ATXN7L2: variants seen among roughly 807,000 people sequenced by gnomAD.
ATXN7L2 encodes ataxin-7-like protein 2.
Under a neutral mutation model 59.6 loss-of-function variants are expected in ATXN7L2, and 17 were observed. The observed-to-expected ratio is 0.29, with a 90% CI of 0.20 to 0.43. ATXN7L2 has a LOEUF of 0.43. Ranked by LOEUF, ATXN7L2 falls within the 20% of genes least tolerant of loss-of-function variation. The pLI is 1.00. For synonymous variants in ATXN7L2, 378 were observed against 392.5 expected (o/e 0.96, Z 0.44); for missense variants, 858 against 1,008.9 (o/e 0.85, Z 2.03).
In ATXN7L2 at chr1:109,491,774, T is replaced by TA. The variant is rs1557875114; in HGVS notation, c.2250+58dup. 4 of 1,476,110 alleles carry TA rather than the reference T, an allele frequency of 2.7e-6. No homozygotes were observed. 91.4% of individuals were successfully genotyped at this position (1,476,110 alleles called of 1,614,324 possible). A position where few individuals can be genotyped will look rare whatever the true frequency, so the allele number is the denominator to read the frequency against. On this transcript the variant is annotated intron_variant, in intron 10 of 10. Coordinates refer to ENST00000683729, the MANE Select transcript of ATXN7L2 (RefSeq NM_001350175.2). The surrounding 1 kb of genome is among the most constrained non-coding windows in gnomAD (Gnocchi z 4.1). ...GGTGGGGCACACAGGGGGTACCTGA[T>TA]ACAGAGAAGATGCTACATTGGTGTT...
chr1:109,484,007 G>T lies in ATXN7L2; in HGVS notation c.54G>T (p.Val18=), dbSNP rs747751536. ...CAATGGCCGCTCTGGAGCGGCGGGT[G>T]CCGAGTCTCGATGACTTCGCGGGAC... ...AAAMAALERR[V]PSLDDFAGQS... The change falls in exon 1 of 11, where the codon GTG becomes GTT. Residue 18 remains valine, a synonymous_variant. Coordinates refer to ENST00000683729, the MANE Select transcript of ATXN7L2 (RefSeq NM_001350175.2). 2.2e-6 allele frequency: 3 copies of T among 1,393,442 alleles called. No homozygotes were observed. The highest frequency in any genetic ancestry group is 1.9e-4 in the Middle Eastern group (1 of 5,364). The allele number at this position is 1,393,442 out of a possible 1,614,324, so 86.3% of individuals were successfully genotyped here. A position where few individuals can be genotyped will look rare whatever the true frequency, so the allele number is the denominator to read the frequency against.
chr1:109,491,865 A>AG lies in ATXN7L2; in HGVS notation c.2250+150dup, dbSNP rs1320653736. On this transcript the variant is annotated intron_variant, in intron 10 of 10. Coordinates refer to ENST00000683729, the MANE Select transcript of ATXN7L2 (RefSeq NM_001350175.2). This position sits in a 1 kb window ranked among gnomAD's most constrained non-coding sequence, Gnocchi z 4.1. ...TGGACTGTTTTCTTTAGGAAGAGGT[A>AG]GGTCAGTTCTTAGCAAAGTGACTCC... The AG allele has an allele frequency of 4.9e-6, 6 of 1,221,590 alleles. No homozygotes were observed. The African/African-American group carries it at 9.1e-5, about 19-fold the overall frequency. The allele number at this position is 1,221,590 out of a possible 1,614,324, so 75.7% of individuals were successfully genotyped here. A position where few individuals can be genotyped will look rare whatever the true frequency, so the allele number is the denominator to read the frequency against.
Position 109,491,409 on chromosome 1 carries a change from A to G in ATXN7L2, c.1942A>G (p.Thr648Ala). The G allele has an allele frequency of 6.2e-7, 1 of 1,614,214 alleles. No homozygotes were observed. ...KTALSMGLNGTMGPRVKRAGP... is the reference protein window; with the variant it reads ...KTALSMGLNGAMGPRVKRAGP... The stretch of plus-strand genomic sequence containing the variant: ...AGCCCTGAGCATGGGGCTTAATGGG[A>G]CAATGGGGCCAAGAGTGAAGCGGGC... The change falls in exon 10 of 11, where the codon ACA becomes GCA. Residue 648 changes from threonine (T) to alanine (A), a missense_variant. Thr to Ala is a moderately conservative substitution (Grantham distance 58). Transcript: ENST00000683729. The surrounding 1 kb of genome is among the most constrained non-coding windows in gnomAD (Gnocchi z 4.1).
chr1:109,486,387 G>T lies in ATXN7L2; in HGVS notation c.194-119G>T. ...GGAAGCTGGAAGCATTCAGCATGGA[G>T]CTTGTTATATCAGCGGGGAGGTGAA... On this transcript the variant is annotated intron_variant, in intron 2 of 10. Transcript: ENST00000683729. The surrounding 1 kb of genome is among the most constrained non-coding windows in gnomAD (Gnocchi z 4.3). 1 of 981,862 alleles carries T rather than the reference G, an allele frequency of 1.0e-6. No individual in the cohort carries two copies. Among genetic ancestry groups the T allele is most frequent in the Non-Finnish European group, 1.5e-6 (1 of 660,982 alleles). The allele number at this position is 981,862 out of a possible 1,614,324, so 60.8% of individuals were successfully genotyped here.
chr1:109,486,242 A>G lies in ATXN7L2; in HGVS notation c.193+120A>G. On this transcript the variant is annotated intron_variant, in intron 2 of 10. Transcript: ENST00000683729. This position sits in a 1 kb window ranked among gnomAD's most constrained non-coding sequence, Gnocchi z 4.3. ...CAGCTGTCTGGGGACCCTCATTTTG[A>G]TAGGTCCGAGTCGGCCGGTTGTTCT... 7.0e-7 allele frequency: 1 copy of G among 1,426,908 alleles called. No homozygotes were observed. The allele number at this position is 1,426,908 out of a possible 1,614,324, so 88.4% of individuals were successfully genotyped here.
chr1:109,487,540 C>A lies in ATXN7L2; in HGVS notation c.532C>A (p.Leu178Met). ...NLCLFVPVVNLEKMSSLPKPD... is the reference protein window; with the variant it reads ...NLCLFVPVVNMEKMSSLPKPD... ...TAGCCTTTTCGTGCCTGTGGTGAATCTGGAGAAGATGTCCAGTCTCCCGAA... is the reference window on the plus strand; with the variant it reads ...TAGCCTTTTCGTGCCTGTGGTGAATATGGAGAAGATGTCCAGTCTCCCGAA... The change falls in exon 5 of 11, where the codon CTG (leucine) becomes ATG (methionine). Residue 178 changes from leucine (L) to methionine (M), a missense_variant. This residue lies in a region of ATXN7L2 where 734 missense variants were observed against 862.3 expected (regional missense o/e 0.85). Transcript: ENST00000683729. 6.6e-7 allele frequency: 1 copy of A among 1,506,822 alleles called. No homozygotes were observed. The highest frequency in any genetic ancestry group is 8.9e-7 in the Non-Finnish European group (1 of 1,129,750). 93.3% of individuals were successfully genotyped at this position (1,506,822 alleles called of 1,614,324 possible).
Position 109,491,360 on chromosome 1 carries a change from G to C in ATXN7L2, c.1893G>C (p.Arg631Ser), listed in dbSNP as rs777807723. ...GAAAAGGGAAACCCTCTGGCTGTAG[G>C]GGCCTCTCGGCCAAAACTAAAACAG... ...PTGKGKPSGC[R>S]GLSAKTKTAL... The change falls in exon 10 of 11, where the codon AGG becomes AGC. Residue 631 changes from arginine to serine, a missense_variant. By Grantham distance (110) the Arg-to-Ser change is moderately radical. Transcript: ENST00000683729. This position sits in a 1 kb window ranked among gnomAD's most constrained non-coding sequence, Gnocchi z 4.1. The C allele has an allele frequency of 2.5e-6, 4 of 1,614,132 alleles. No homozygotes were observed. The highest frequency in any genetic ancestry group is 1.7e-5 in the Admixed American group (1 of 60,012).
chr1:109,490,484 A>G (rs1230387502), intron 9 of ATXN7L2, 92 bp downstream of exon 9: 1 of 1,521,936 alleles, frequency 6.6e-7, no homozygotes, highest in African/African-American at 1.4e-5. Flanking sequence ...TCTTTCCTGT[A>G]TACCCATAGG....
At position 109,486,922 on chromosome 1, in the gene ATXN7L2, A is replaced by G; in HGVS notation, c.299-85A>G. On this transcript the variant is annotated intron_variant, in intron 3 of 10. Coordinates refer to ENST00000683729, the MANE Select transcript of ATXN7L2 (RefSeq NM_001350175.2). This position sits in a 1 kb window ranked among gnomAD's most constrained non-coding sequence, Gnocchi z 4.3. Reference sequence around the variant, plus strand: ...AATTTATGGAAACTCAGATTCTCTCATGTGAGTCTATGGACATGGTTAGGT... The same window carrying G: ...AATTTATGGAAACTCAGATTCTCTCGTGTGAGTCTATGGACATGGTTAGGT... The G allele has an allele frequency of 8.3e-7, 1 of 1,211,374 alleles. No homozygotes were observed. Among genetic ancestry groups the G allele is most frequent in the Non-Finnish European group, 1.1e-6 (1 of 877,928 alleles). The allele number at this position is 1,211,374 out of a possible 1,614,324, so 75.0% of individuals were successfully genotyped here. A position where few individuals can be genotyped will look rare whatever the true frequency, so the allele number is the denominator to read the frequency against.
chr1:109,485,215 T>G, intron 1 of ATXN7L2: 1 of 815,062 alleles, frequency 1.2e-6, no homozygotes. Context: ...TCAGAATTGA[T>G]TTTTTTTTTC....
chr1:109,485,147 C>T (rs916777195), intron 1 of ATXN7L2: 1 of 561,032 alleles, frequency 1.8e-6, no homozygotes, highest in Non-Finnish European at 2.3e-6. Context: ...AAGATGGGGC[C>T]ATTGTCAGGG....
intron 4 of ATXN7L2, 64 bp downstream of exon 4, chr1:109,487,281 C>T (rs1267387181): frequency 2.2e-6 from 3 of 1,392,796 alleles, no homozygotes; most frequent in Non-Finnish European, 2.9e-6. Flanking sequence ...GGGCTGACAT[C>T]AATACAGACA....
Position 109,488,599 on chromosome 1 carries a change from G to A in ATXN7L2, c.879+134G>A, listed in dbSNP as rs2101030594. On this transcript the variant is annotated intron_variant, in intron 6 of 10. Transcript: ENST00000683729. The surrounding 1 kb of genome is among the most constrained non-coding windows in gnomAD (Gnocchi z 5.0). Reference sequence around the variant, plus strand: ...GGGCAGTTAGGCCCACCCAAGGGAAGGGGAGATGGGTATGCCCCTCCTGGG... The same window carrying A: ...GGGCAGTTAGGCCCACCCAAGGGAAAGGGAGATGGGTATGCCCCTCCTGGG... The A allele has an allele frequency of 9.1e-7, 1 of 1,093,278 alleles. No homozygotes were observed. The highest frequency in any genetic ancestry group is 2.6e-5 in the East Asian group (1 of 38,584). 67.7% of individuals were successfully genotyped at this position (1,093,278 alleles called of 1,614,324 possible).
rs1330784713 is a variant in ATXN7L2 at position 109,486,959 on chromosome 1, G to C, written c.299-48G>C. The C allele has an allele frequency of 1.4e-6, 2 of 1,469,224 alleles. No individual in the cohort carries two copies. The highest frequency in any genetic ancestry group is 1.8e-6 in the Non-Finnish European group (2 of 1,090,790). 91.0% of individuals were successfully genotyped at this position (1,469,224 alleles called of 1,614,324 possible). On this transcript the variant is annotated intron_variant, in intron 3 of 10. Coordinates refer to ENST00000683729, the MANE Select transcript of ATXN7L2 (RefSeq NM_001350175.2). This position sits in a 1 kb window ranked among gnomAD's most constrained non-coding sequence, Gnocchi z 4.3. The stretch of plus-strand genomic sequence containing the variant: ...GGACATGGTTAGGTTGGGGAAGGAA[G>C]TGGTGATACCACTCACCTTGATTAT...
chr1:109,490,536 A>G, intron 9 of ATXN7L2, 144 bp downstream of exon 9: 1 of 1,257,746 alleles, frequency 8.0e-7, no homozygotes, highest in East Asian at 2.5e-5. Flanking sequence ...GATAGGGAGT[A>G]GCATGAAAAG....
At chr1:109,485,267 AGAGAGGT>A in intron 1 of ATXN7L2, 1 of 816,272 alleles carries the variant, frequency 1.2e-6, no homozygotes. Context: ...AGGGGGGAGG[AGAGAGGT>A]AGGGGGATGG....
chr1:109,487,305 G>A, intron 4 of ATXN7L2, 88 bp downstream of exon 4: 1 of 1,316,808 alleles, frequency 7.6e-7, no homozygotes, highest in Non-Finnish European at 1.0e-6. Flanking sequence ...CTGGGTCAAG[G>A]CATACTCCTC....
rs764076726 is a variant in ATXN7L2 at position 109,484,043 on chromosome 1, C to G, written c.90C>G (p.Ser30Arg). The G allele has an allele frequency of 1.2e-5, 18 of 1,513,792 alleles. No individual in the cohort carries two copies. In the Admixed American group the frequency reaches 1.6e-4, roughly 14 times the overall value. 93.8% of individuals were successfully genotyped at this position (1,513,792 alleles called of 1,614,324 possible). ...SLDDFAGQSWSSWVERADLPA... is the reference protein window; with the variant it reads ...SLDDFAGQSWRSWVERADLPA... ...ATGACTTCGCGGGACAGAGCTGGAG[C>G]TCGTGGGTGGAGCGGGCCGACCTGC... Residue 30 changes from serine (S) to arginine (R), a missense_variant, in exon 1 of 11, where the codon AGC becomes AGG. Physicochemically the swap from Ser to Arg is moderately radical, Grantham distance 110 (BLOSUM62 -1). Around this residue, in one of 3 missense-constraint regions of ATXN7L2, gnomAD observed 95 missense variants for 82.6 expected, o/e 1.15. Transcript: ENST00000683729.
At chr1:109,484,574 C>A (rs548628651) in intron 1 of ATXN7L2, among the ~76,000 whole-genome samples, 1 of 151,902 alleles carries the variant, frequency 6.6e-6, no homozygotes, top group East Asian at 1.9e-4. Flanking sequence ...GTTAGTTCGT[C>A]CGTCCATCCA....
Sources: allele counts gnomAD v4.1 joint callset (sites outside exome capture counted in the v4.1 genomes callset), GRCh38; gene constraint gnomAD v4.1.1; regional missense constraint gnomAD v4.1.1; non-coding constraint Gnocchi (gnomAD v3.1); transcripts MANE v1.5; gene names NCBI Gene and HGNC (gene_info 2026-07-23, HGNC 2026-07-21).